The following PNO1 variants were observed in gnomAD, a reference collection of about 807,000 sequenced individuals.
The protein encoded by PNO1 is RNA-binding protein PNO1.
A neutral mutation model predicts 28.4 loss-of-function variants in PNO1; 16 were observed. The ratio of observed to expected loss-of-function variants is 0.56; its 90% confidence interval spans 0.38 to 0.85. PNO1 has a LOEUF of 0.85. PNO1 is among the 40% of genes least tolerant of loss of function. PNO1 has a pLI of 0.00. For synonymous variants in PNO1, 115 were observed against 110.8 expected (o/e 1.04, Z -0.24); for missense variants, 304 against 312.2 (o/e 0.97, Z 0.20).
intron 5 of PNO1, among the ~76,000 whole-genome samples, chr2:68,163,076 G>A (rs1024798769): frequency 2.0e-5 from 3 of 152,186 alleles, no homozygotes; most frequent in Non-Finnish European, 2.9e-5. Context: ...ATCCCAGTTC[G>A]AACCGTGTTA....
chr2:68,167,536 C>G (rs932856070), intron 5 of PNO1, among the ~76,000 whole-genome samples: 1 of 152,222 alleles, frequency 6.6e-6, no homozygotes, highest in Non-Finnish European at 1.5e-5. Flanking sequence ...AACCTGACTG[C>G]ATTTGCACAA....
intron 2 of PNO1, among the ~76,000 whole-genome samples, chr2:68,159,280 A>G (rs113881497): frequency 0.04 from 5,744 of 144,592 alleles, 320 homozygotes; most frequent in African/African-American, 0.15. Flanking sequence ...GTGTGTGTGT[A>G]TATATATCTT....
chr2:68,158,788 A>C (rs923894040), intron 2 of PNO1, among the ~76,000 whole-genome samples: 4 of 152,208 alleles, frequency 2.6e-5, no homozygotes, highest in Non-Finnish European at 5.9e-5. Context: ...ATAATGTTCT[A>C]TGTCAAATTG....
intron 5 of PNO1, among the ~76,000 whole-genome samples, chr2:68,168,989 T>C (rs1409200370): frequency 7.4e-6 from 1 of 135,248 alleles, no homozygotes; most frequent in Non-Finnish European, 1.5e-5. Context: ...AGTGCAGTGG[T>C]GCAATCTCGG....
rs527765322 is a variant in PNO1 at position 68,174,696 on chromosome 2, G to C, written c.692-39G>C. ...GGACAACTGTAGGCGCTATAAATGTGAGTTTATTTGTGTATATACTTTTTT... is the reference window on the plus strand; with the variant it reads ...GGACAACTGTAGGCGCTATAAATGTCAGTTTATTTGTGTATATACTTTTTT... On this transcript the variant is annotated intron_variant, in intron 6 of 6. Coordinates refer to ENST00000263657, the MANE Select transcript of PNO1 (RefSeq NM_020143.4). The C allele has an allele frequency of 7.1e-6, 10 of 1,403,962 alleles. No homozygotes were observed. The Admixed American group carries it at 1.5e-4, about 22-fold the overall frequency. The allele number at this position is 1,403,962 out of a possible 1,614,324, so 87.0% of individuals were successfully genotyped here.
intron 5 of PNO1, among the ~76,000 whole-genome samples, chr2:68,170,522 C>T (rs574220038): frequency 3.8e-4 from 58 of 152,126 alleles, no homozygotes; most frequent in African/African-American, 1.1e-3. Flanking sequence ...CCGAGGCGGG[C>T]GGATCACAAT....
chr2:68,172,686 C>T (rs538793006), intron 5 of PNO1, among the ~76,000 whole-genome samples: 1 of 152,310 alleles, frequency 6.6e-6, no homozygotes, highest in South Asian at 2.1e-4. Context: ...TATTCAGTAA[C>T]CAGCTCTGCC....
intron 5 of PNO1, among the ~76,000 whole-genome samples, chr2:68,170,396 C>T (rs969977669): frequency 6.6e-6 from 1 of 152,126 alleles, no homozygotes; most frequent in Admixed American, 6.6e-5. Flanking sequence ...ATTTCCTCAT[C>T]TGTCATGCTC....
intron 6 of PNO1, among the ~76,000 whole-genome samples, chr2:68,174,131 T>C (rs1674206823): frequency 6.6e-6 from 1 of 152,206 alleles, no homozygotes. Context: ...TGATAAGAGT[T>C]GCAGGATCTT....
At chr2:68,162,758 G>C (rs1483014430) in intron 5 of PNO1, 95 bp downstream of exon 5, 1 of 822,440 alleles carries the variant, frequency 1.2e-6, no homozygotes, top group African/African-American at 1.7e-5. Context: ...GCATAATGTT[G>C]CTGCTAAATC....
intron 5 of PNO1, among the ~76,000 whole-genome samples, chr2:68,163,581 A>T (rs756903646): frequency 2.7e-5 from 4 of 150,838 alleles, no homozygotes; most frequent in East Asian, 1.9e-4. Context: ...ACATACATAC[A>T]TACTTACTCA....
At chr2:68,165,389 A>C (rs13020701) in intron 5 of PNO1, among the ~76,000 whole-genome samples, 1,503 of 133,160 alleles carry the variant, frequency 0.011, 39 homozygotes, top group Admixed American at 0.014. Context: ...ACAACAAAAA[A>C]AAAAAAACTA....
At position 68,176,029 on chromosome 2, in the gene PNO1, A is replaced by G. The variant is rs1351314704; in HGVS notation, c.*1227A>G. ...CTTGAAATACAGCTTCTACTGAATG[A>G]ATAATTCTAAAGTTGAAAAATAATA... On this transcript the variant is annotated 3_prime_UTR_variant, in exon 7 of 7. Coordinates refer to ENST00000263657, the MANE Select transcript of PNO1 (RefSeq NM_020143.4). The G allele has an allele frequency of 6.6e-6, 1 of 152,220 alleles. No individual in the cohort carries two copies. The highest frequency in any genetic ancestry group is 1.5e-5 in the Non-Finnish European group (1 of 68,044). The allele number at this position is 152,220 out of a possible 1,614,324, so 9.4% of individuals were successfully genotyped here.
Position 68,175,219 on chromosome 2 carries a change from C to A in PNO1, c.*417C>A, listed in dbSNP as rs147836514. ...AATTTAATAGATTATCTCAGAAAAA[C>A]CTCTCTGAATGATGACCCTTCCTTA... On this transcript the variant is annotated 3_prime_UTR_variant, in exon 7 of 7. Coordinates refer to ENST00000263657, the MANE Select transcript of PNO1 (RefSeq NM_020143.4). The A allele has an allele frequency of 2.7e-3, 413 of 153,150 alleles. 2 individuals carry two copies. The highest frequency in any genetic ancestry group is 6.2e-3 in the African/African-American group (259 of 41,534). 9.5% of individuals were successfully genotyped at this position (153,150 alleles called of 1,614,324 possible).
At chr2:68,171,306 A>G (rs565118078) in intron 5 of PNO1, among the ~76,000 whole-genome samples, 74 of 152,300 alleles carry the variant, frequency 4.9e-4, no homozygotes, top group African/African-American at 1.7e-3. Context: ...TTCTGTTCCA[A>G]AAACGCCCCC....
chr2:68,158,207 C>G, intron 1 of PNO1, 66 bp downstream of exon 1: 5 of 1,486,794 alleles, frequency 3.4e-6, no homozygotes, highest in Non-Finnish European at 4.5e-6. Flanking sequence ...CCGATGGCCT[C>G]TGGAGAATGT....
At chr2:68,170,695 C>T (rs1212502705) in intron 5 of PNO1, among the ~76,000 whole-genome samples, 1 of 140,932 alleles carries the variant, frequency 7.1e-6, no homozygotes, top group Non-Finnish European at 1.5e-5. Flanking sequence ...TTGCAGTGAG[C>T]CGAGATTGCG....
At chr2:68,169,622 T>G (rs1674077584) in intron 5 of PNO1, among the ~76,000 whole-genome samples, 1 of 152,244 alleles carries the variant, frequency 6.6e-6, no homozygotes, top group Non-Finnish European at 1.5e-5. Context: ...TCCATTTCTC[T>G]TGACTACAAA....
In PNO1 at chr2:68,174,930, C is replaced by T. The variant is rs779719819; in HGVS notation, c.*128C>T. Reference sequence around the variant, plus strand: ...CCTCCGTCCCTTCTTCCATTCTCAGCCAGAAGCATAAACAGAAAAGAAAGA... The same window carrying T: ...CCTCCGTCCCTTCTTCCATTCTCAGTCAGAAGCATAAACAGAAAAGAAAGA... On this transcript the variant is annotated 3_prime_UTR_variant, in exon 7 of 7. Coordinates refer to ENST00000263657, the MANE Select transcript of PNO1 (RefSeq NM_020143.4). 29 of 549,158 alleles carry T rather than the reference C, an allele frequency of 5.3e-5. No homozygotes were observed. Among genetic ancestry groups the T allele is most frequent in the Non-Finnish European group, 9.2e-5 (28 of 303,310 alleles). 34.0% of individuals were successfully genotyped at this position (549,158 alleles called of 1,614,324 possible).
Sources: allele counts gnomAD v4.1 joint callset (sites outside exome capture counted in the v4.1 genomes callset), GRCh38; gene constraint gnomAD v4.1.1; transcripts MANE v1.5; gene names NCBI Gene and HGNC (gene_info 2026-07-23, HGNC 2026-07-21).